NKAIN2: variants seen among roughly 807,000 people sequenced by gnomAD.
NKAIN2 encodes sodium/potassium-transporting ATPase subunit beta-1-interacting protein 2.
In NKAIN2, 14 loss-of-function variants were observed where a neutral mutation model predicts 32.6. The observed-to-expected ratio is 0.43, with a 90% confidence interval of 0.28 to 0.67. The LOEUF (loss-of-function observed/expected upper bound fraction) is 0.67, where lower values mean the gene tolerates loss of function less well. NKAIN2 is among the 30% of genes least tolerant of loss of function. NKAIN2 has a pLI of 0.17. For synonymous variants in NKAIN2, 80 were observed against 87.2 expected, an observed-to-expected ratio of 0.92 and a Z score of 0.46; for missense variants, 198 against 258.3, an observed-to-expected ratio of 0.77 and a Z score of 1.60.
intron 1 of NKAIN2, among the ~76,000 whole-genome samples, chr6:123,946,081 G>A (rs1440761236): frequency 6.6e-6 from 1 of 152,060 alleles, no homozygotes; most frequent in Non-Finnish European, 1.5e-5. Context: ...GTAACCACCT[G>A]TATAGTCTTA....
At chr6:124,006,642 A>G (rs900400004) in intron 1 of NKAIN2, among the ~76,000 whole-genome samples, 1 of 152,104 alleles carries the variant, frequency 6.6e-6, no homozygotes, top group Admixed American at 6.6e-5. Context: ...TAGTGCCTGC[A>G]CTTCTAGTGC....
chr6:123,854,174 G>T (rs902379974), intron 1 of NKAIN2, among the ~76,000 whole-genome samples: 3 of 152,096 alleles, frequency 2.0e-5, no homozygotes, highest in Non-Finnish European at 2.9e-5. Context: ...TATGGGAATC[G>T]GTGCTTTCAA....
At chr6:123,876,573 G>A (rs775470809) in intron 1 of NKAIN2, among the ~76,000 whole-genome samples, 31 of 152,154 alleles carry the variant, frequency 2.0e-4, no homozygotes, top group Non-Finnish European at 2.1e-4. Context: ...TAGTTTAAAA[G>A]CCTAAGAACT....
chr6:124,733,903 C>T (rs1776807550), intron 4 of NKAIN2, among the ~76,000 whole-genome samples: 1 of 151,664 alleles, frequency 6.6e-6, no homozygotes, highest in Admixed American at 6.6e-5. Flanking sequence ...AAAGCAATGA[C>T]ACCTCAGTAG....
At chr6:124,670,647 G>GTA (rs962568385) in intron 4 of NKAIN2, among the ~76,000 whole-genome samples, 6 of 97,036 alleles carry the variant, frequency 6.2e-5, no homozygotes, top group African/African-American at 2.1e-4. Context: ...TTTGCTTTCT[G>GTA]TGTGTGTGTG....
At chr6:124,623,714 C>A (rs1783195803) in intron 3 of NKAIN2, among the ~76,000 whole-genome samples, 1 of 152,142 alleles carries the variant, frequency 6.6e-6, no homozygotes, top group Non-Finnish European at 1.5e-5. Context: ...AGGATATAAA[C>A]AATGTGCAAC....
In NKAIN2 at chr6:124,508,630, A is replaced by AC. The variant is rs375135333; in HGVS notation, c.274-149554dup. ...AGTGCTGGGATTACAGGTATGAGCC[A>AC]CCACGCCTGGCCATGAGCTTGTATT... is the stretch of plus-strand genomic sequence containing the variant. On this transcript the variant is annotated intron_variant, in intron 3 of 6. Coordinates refer to ENST00000368417, the MANE Select transcript of NKAIN2 (RefSeq NM_001040214.3). Among the ~76,000 whole-genome samples the AC allele has an allele frequency of 2.3e-3, 352 of 152,222 alleles. 3 individuals carry two copies. The highest frequency in any genetic ancestry group is 8.2e-3 in the African/African-American group (341 of 41,550).
At chr6:123,935,902 T>C (rs235690) in intron 1 of NKAIN2, among the ~76,000 whole-genome samples, 108,478 of 151,878 alleles carry the variant, frequency 0.71, 39,205 homozygotes, top group East Asian at 0.91. Flanking sequence ...CATGGCTATT[T>C]TTTTGTTCAC....
At chr6:123,885,139 A>G (rs75023638) in intron 1 of NKAIN2, among the ~76,000 whole-genome samples, 1,612 of 152,292 alleles carry the variant, frequency 0.011, 26 homozygotes, top group African/African-American at 0.037. Flanking sequence ...TTAGCAATGT[A>G]TTAACATTTT....
intron 1 of NKAIN2, among the ~76,000 whole-genome samples, chr6:124,023,032 TTA>T (rs939412803): frequency 2.0e-5 from 3 of 150,536 alleles, no homozygotes; most frequent in Admixed American, 6.6e-5. Flanking sequence ...TATGTATACT[TTA>T]TATATATATA....
At chr6:124,705,488 A>C (rs915504102) in intron 4 of NKAIN2, among the ~76,000 whole-genome samples, 5 of 152,036 alleles carry the variant, frequency 3.3e-5, no homozygotes, top group Non-Finnish European at 5.9e-5. Flanking sequence ...TTGAACCCTA[A>C]GTGGAGAAAA....
intron 3 of NKAIN2, among the ~76,000 whole-genome samples, chr6:124,471,606 T>TACTG (rs980820897): frequency 2.6e-5 from 4 of 152,146 alleles, no homozygotes; most frequent in Non-Finnish European, 5.9e-5. Flanking sequence ...CTAAATGCCT[T>TACTG]ACTGAAAGAA....
chr6:124,743,474 C>T lies in NKAIN2; in HGVS notation c.475-47865C>T, dbSNP rs188949044. Among the ~76,000 whole-genome samples, 418 of 151,880 alleles carry T rather than the reference C, an allele frequency of 2.8e-3. 2 individuals carry two copies. The highest frequency in any genetic ancestry group is 9.1e-3 in the African/African-American group (377 of 41,510). On this transcript the variant is annotated intron_variant, in intron 4 of 6. Transcript: ENST00000368417. ...AATCAATAAATTGCCATTTATTCTA[C>T]AGTGTGCTCTTCTAGCTTTGGTCTT...
At chr6:124,339,349 A>T (rs1798019146) in intron 2 of NKAIN2, among the ~76,000 whole-genome samples, 1 of 152,150 alleles carries the variant, frequency 6.6e-6, no homozygotes, top group African/African-American at 2.4e-5. Flanking sequence ...ATCTCAAACA[A>T]ACAAACAACA....
At chr6:124,484,581 A>C (rs1380043678) in intron 3 of NKAIN2, among the ~76,000 whole-genome samples, 6 of 152,172 alleles carry the variant, frequency 3.9e-5, no homozygotes, top group Admixed American at 3.9e-4. Flanking sequence ...ATGACAATTT[A>C]ATTTCTGGTT....
At chr6:124,716,022 C>G (rs1256765030) in intron 4 of NKAIN2, among the ~76,000 whole-genome samples, 1 of 152,140 alleles carries the variant, frequency 6.6e-6, no homozygotes, top group Non-Finnish European at 1.5e-5. Flanking sequence ...TATTTTTGTT[C>G]TCTCTTTTCA....
chr6:124,097,790 A>G (rs1177995373), intron 1 of NKAIN2, among the ~76,000 whole-genome samples: 2 of 152,216 alleles, frequency 1.3e-5, no homozygotes, highest in East Asian at 3.9e-4. Context: ...TGGGAAGTGT[A>G]TGCAGGAAAA....
intron 1 of NKAIN2, among the ~76,000 whole-genome samples, chr6:124,001,405 A>G (rs2062357959): frequency 6.6e-6 from 1 of 152,068 alleles, no homozygotes; most frequent in African/African-American, 2.4e-5. Flanking sequence ...CAGAACTATA[A>G]AGATTTAACT....
chr6:124,017,048 A>G (rs1329004973), intron 1 of NKAIN2, among the ~76,000 whole-genome samples: 1 of 152,200 alleles, frequency 6.6e-6, no homozygotes, highest in Non-Finnish European at 1.5e-5. Flanking sequence ...TTTATAAAGG[A>G]AAGAGATTTA....
Sources: allele counts gnomAD v4.1 joint callset (sites outside exome capture counted in the v4.1 genomes callset), GRCh38; gene constraint gnomAD v4.1.1; transcripts MANE v1.5; gene names NCBI Gene and HGNC (gene_info 2026-07-23, HGNC 2026-07-21).